Variants in DENND1A observed in about 807,000 individuals in gnomAD.
The protein encoded by DENND1A is DENN domain containing 1A, also known as DENN domain-containing protein 1A.
Under a neutral mutation model 113.7 loss-of-function variants are expected in DENND1A, and 51 were observed. The observed-to-expected ratio is 0.45, with a 90% CI of 0.36 to 0.57. The LOEUF (loss-of-function observed/expected upper bound fraction) is 0.57. Among genes scored for constraint, DENND1A ranks in the 20% least tolerant of loss-of-function variants. The pLI is 0.00. For missense variants in DENND1A, 1,258 were observed against 1,395.9 expected (o/e 0.90, Z 1.57); for synonymous variants, 565 against 570.8 (o/e 0.99, Z 0.14).
Position 123,905,380 on chromosome 9 carries a change from C to T in DENND1A, c.17+24509G>A, listed in dbSNP as rs1300759455. Among the ~76,000 whole-genome samples, 321 of 147,752 alleles carry T rather than the reference C, an allele frequency of 2.2e-3. 2 individuals are homozygous for T. Among genetic ancestry groups the T allele is most frequent in the African/African-American group, 7.7e-3 (302 of 38,982 alleles). Reference sequence around the variant, plus strand: ...AATATTAACTTTAAATGTAAATGGACTAAATGCTCCAATTAAAAGACACAG... The same window carrying T: ...AATATTAACTTTAAATGTAAATGGATTAAATGCTCCAATTAAAAGACACAG... On this transcript the variant is annotated intron_variant, in intron 1 of 23. Coordinates refer to ENST00000394215, the MANE Select transcript of DENND1A (RefSeq NM_001352964.2).
At chr9:123,615,162 G>A (rs952229045) in intron 10 of DENND1A, among the ~76,000 whole-genome samples, 2 of 152,304 alleles carry the variant, frequency 1.3e-5, no homozygotes, top group Admixed American at 6.5e-5. Context: ...AGCCACCACT[G>A]ACTGCAAATT....
chr9:123,395,028 T>C (rs1292069730), intron 21 of DENND1A, among the ~76,000 whole-genome samples: 1 of 152,144 alleles, frequency 6.6e-6, no homozygotes, highest in Non-Finnish European at 1.5e-5. Context: ...TGCGAAGATT[T>C]TTTGGGGAGC....
chr9:123,623,544 T>C (rs1470322128), intron 10 of DENND1A, among the ~76,000 whole-genome samples: 15 of 151,840 alleles, frequency 9.9e-5, no homozygotes, highest in Admixed American at 6.6e-4. Flanking sequence ...ACTCCAAAAA[T>C]AGGAAGGGAC....
intron 13 of DENND1A, among the ~76,000 whole-genome samples, chr9:123,540,450 T>G (rs2056200434): frequency 6.6e-6 from 1 of 152,202 alleles, no homozygotes; most frequent in African/African-American, 2.4e-5. Context: ...GGTGGCAGCA[T>G]TTTTAAAAAT....
chr9:123,554,736 C>G (rs1328701726), intron 13 of DENND1A, among the ~76,000 whole-genome samples: 1 of 152,166 alleles, frequency 6.6e-6, no homozygotes, highest in African/African-American at 2.4e-5. Context: ...TTTCTGAAAT[C>G]TGGATGTGTC....
At chr9:123,605,133 T>G (rs1009647183) in intron 11 of DENND1A, among the ~76,000 whole-genome samples, 1 of 151,984 alleles carries the variant, frequency 6.6e-6, no homozygotes, top group Non-Finnish European at 1.5e-5. Flanking sequence ...TGTGTATGGG[T>G]GGAACTTCAT....
intron 21 of DENND1A, among the ~76,000 whole-genome samples, chr9:123,399,815 GAA>G (rs1327397859): frequency 6.6e-6 from 1 of 152,262 alleles, no homozygotes; most frequent in Non-Finnish European, 1.5e-5. Context: ...GTCATGGAGA[GAA>G]TGAAATCAAG....
intron 19 of DENND1A, among the ~76,000 whole-genome samples, chr9:123,425,250 C>T (rs2045622098): frequency 6.6e-6 from 1 of 152,280 alleles, no homozygotes; most frequent in Non-Finnish European, 1.5e-5. Flanking sequence ...AGATTTCCTG[C>T]TCTTGTCCTG....
intron 3 of DENND1A, among the ~76,000 whole-genome samples, chr9:123,777,835 G>T (rs980110458): frequency 2.0e-5 from 3 of 152,184 alleles, no homozygotes; most frequent in African/African-American, 7.2e-5. Flanking sequence ...TATCAAATCT[G>T]CTTTTGAGAG....
At position 123,676,630 on chromosome 9, in the gene DENND1A, T is replaced by C. The variant is rs192194291; in HGVS notation, c.372+90A>G. 4.6e-5 allele frequency: 59 copies of C among 1,296,336 alleles called. No individual in the cohort carries two copies. The East Asian group carries it at 1.4e-3, about 31-fold the overall frequency. The allele number at this position is 1,296,336 out of a possible 1,614,324, so 80.3% of individuals were successfully genotyped here. ...ATTCCTATAATGGGCATGCATCACT[T>C]TTTTGGTAAAATATAAGGCATGTTT... On this transcript the variant is annotated intron_variant, in intron 6 of 23. Coordinates refer to ENST00000394215, the MANE Select transcript of DENND1A (RefSeq NM_001352964.2).
chr9:123,383,817 G>A lies in DENND1A; in HGVS notation c.1857C>T (p.Val619=), dbSNP rs2042412718. The change falls in exon 23 of 24, where the codon GTC becomes GTT. Residue 619 remains valine, a synonymous_variant. Transcript: ENST00000394215. The part of the protein sequence containing the change: ...EQQVRKSTGP[V]PAPPDRAASI... ...TGGCAGCCCGGTCAGGGGGAGCTGG[G>A]ACAGGGCCTGTGGACTTCCGCACTT... 1.2e-6 allele frequency: 2 copies of A among 1,613,980 alleles called. No individual in the cohort carries two copies. Among genetic ancestry groups the A allele is most frequent in the Middle Eastern group, 1.6e-4 (1 of 6,062 alleles).
chr9:123,517,947 A>G (rs1229806224), intron 13 of DENND1A, among the ~76,000 whole-genome samples: 2 of 152,206 alleles, frequency 1.3e-5, no homozygotes, highest in African/African-American at 4.8e-5. Context: ...TGTCTTTTCC[A>G]AATTTTCTGC....
intron 1 of DENND1A, among the ~76,000 whole-genome samples, chr9:123,915,273 G>A (rs1854880500): frequency 6.6e-6 from 1 of 152,006 alleles, no homozygotes; most frequent in Non-Finnish European, 1.5e-5. Flanking sequence ...CAAATGGGCT[G>A]AAAATGTTAT....
chr9:123,552,981 G>A (rs747160298), intron 13 of DENND1A, among the ~76,000 whole-genome samples: 16 of 152,216 alleles, frequency 1.1e-4, no homozygotes, highest in Non-Finnish European at 1.6e-4. Context: ...TGCCGGGCAC[G>A]GTGGCTCATG....
chr9:123,835,944 C>T (rs1423999610), intron 2 of DENND1A, among the ~76,000 whole-genome samples: 2 of 152,100 alleles, frequency 1.3e-5, no homozygotes, highest in African/African-American at 4.8e-5. Flanking sequence ...CTCAACCTCC[C>T]TCAATAAAAT....
intron 8 of DENND1A, among the ~76,000 whole-genome samples, chr9:123,660,796 G>T (rs1325546898): frequency 2.6e-5 from 4 of 152,210 alleles, no homozygotes; most frequent in African/African-American, 9.6e-5. Context: ...ATTAGTAATG[G>T]AACAAAGAGA....
chr9:123,725,057 T>C (rs2067604037), intron 5 of DENND1A, among the ~76,000 whole-genome samples: 1 of 152,188 alleles, frequency 6.6e-6, no homozygotes, highest in Non-Finnish European at 1.5e-5. Context: ...TTTCAATGAG[T>C]TCTAAATTTA....
At chr9:123,813,905 G>A (rs1160839412) in intron 2 of DENND1A, among the ~76,000 whole-genome samples, 3 of 152,102 alleles carry the variant, frequency 2.0e-5, no homozygotes, top group Non-Finnish European at 4.4e-5. Context: ...TTAGGAAGAC[G>A]CTTATCTCAA....
intron 4 of DENND1A, among the ~76,000 whole-genome samples, chr9:123,768,006 T>C (rs577901825): frequency 2.9e-4 from 44 of 152,336 alleles, no homozygotes; most frequent in Non-Finnish European, 5.1e-4. Context: ...AGCTAATTCA[T>C]ACATATAAAT....
Sources: allele counts gnomAD v4.1 joint callset (sites outside exome capture counted in the v4.1 genomes callset), GRCh38; gene constraint gnomAD v4.1.1; transcripts MANE v1.5; gene names NCBI Gene and HGNC (gene_info 2026-07-23, HGNC 2026-07-21).